The following PCDH11X variants were observed in gnomAD, a reference collection of about 807,000 sequenced individuals.
PCDH11X encodes the protein protocadherin 11 X-linked, also known as protocadherin-11 X-linked.
In PCDH11X, 18 loss-of-function variants were observed where a neutral mutation model predicts 53.3. The ratio of observed to expected loss-of-function variants is 0.34; its 90% confidence interval spans 0.23 to 0.50. PCDH11X has a LOEUF of 0.50. Ranked by LOEUF, PCDH11X falls within the 20% of genes least tolerant of loss-of-function variation. The pLI, the probability that PCDH11X is intolerant of heterozygous loss-of-function variation, is 0.98. For missense variants in PCDH11X, 570 were observed against 1,032.4 expected (o/e 0.55, Z 6.14); for synonymous variants, 279 against 393.3 (o/e 0.71, Z 3.44).
chrX:92,232,966 C>T (rs776603164), intron 7 of PCDH11X, among the ~76,000 whole-genome samples: 97 of 111,762 alleles, frequency 8.7e-4, no homozygotes, highest in African/African-American at 2.5e-3. Flanking sequence ...CCGCCCACCG[C>T]GGCCTCCCAA....
intron 10 of PCDH11X, among the ~76,000 whole-genome samples, chrX:92,516,786 G>A (rs1009374440): frequency 6.3e-5 from 7 of 111,950 alleles, no homozygotes; most frequent in African/African-American, 2.3e-4. Flanking sequence ...AATGTCAAAC[G>A]ACGACAACAA....
In PCDH11X at chrX:92,033,372, C is replaced by CTT. The variant is rs762430244; in HGVS notation, c.3033+154112_3033+154113dup. On this transcript the variant is annotated intron_variant, in intron 6 of 10. Coordinates refer to ENST00000682573, the MANE Select transcript of PCDH11X (RefSeq NM_032968.5). The stretch of plus-strand genomic sequence containing the variant: ...ACAGTGAAGCCATTGGGTCCCAGGC[C>CTT]TTTTTTTTTTTTTTCTAGAAACTTC... Among the ~76,000 whole-genome samples, 390 of 90,138 alleles carry CTT rather than the reference C, an allele frequency of 4.3e-3. 1 individual carries two copies. The highest frequency in any genetic ancestry group is 0.011 in the South Asian group (21 of 1,845). The allele number at this position is 90,138 out of a possible 115,157, so 78.3% of individuals were successfully genotyped here.
chrX:92,271,413 C>T (rs781096997), intron 8 of PCDH11X, among the ~76,000 whole-genome samples: 13 of 111,524 alleles, frequency 1.2e-4, no homozygotes, highest in South Asian at 3.8e-4. Flanking sequence ...AAGAAAGGGA[C>T]GAAGGGGTTT....
At chrX:92,568,371 G>A (rs1173700349) in intron 10 of PCDH11X, among the ~76,000 whole-genome samples, 2 of 108,630 alleles carry the variant, frequency 1.8e-5, no homozygotes, top group Admixed American at 9.8e-5. Flanking sequence ...GCAGTGAGCC[G>A]AGATGGCGCC....
chrX:92,553,491 AG>A (rs1283519727), intron 10 of PCDH11X, among the ~76,000 whole-genome samples: 3 of 109,721 alleles, frequency 2.7e-5, no homozygotes, highest in Admixed American at 2.0e-4. Context: ...TCTAGCTAAA[AG>A]TTTGTCAATT....
intron 10 of PCDH11X, among the ~76,000 whole-genome samples, chrX:92,560,405 C>T (rs2075115328): frequency 8.9e-6 from 1 of 112,399 alleles, no homozygotes; most frequent in South Asian, 3.7e-4. Context: ...AAAGACTCCA[C>T]CTGTTTGAGA....
At chrX:92,366,460 T>A (rs1259576463) in intron 8 of PCDH11X, among the ~76,000 whole-genome samples, 3 of 110,471 alleles carry the variant, frequency 2.7e-5, no homozygotes, top group Admixed American at 9.7e-5. Flanking sequence ...TTCACTGATT[T>A]TTTTGAAGGG....
intron 6 of PCDH11X, among the ~76,000 whole-genome samples, chrX:91,961,785 A>G (rs1405787805): frequency 9.4e-6 from 1 of 106,760 alleles, no homozygotes; most frequent in African/African-American, 3.4e-5. Flanking sequence ...GGTTTAATTG[A>G]CTCACAGTTC....
At chrX:92,371,996 T>G (rs1430157670) in intron 8 of PCDH11X, among the ~76,000 whole-genome samples, 6 of 111,468 alleles carry the variant, frequency 5.4e-5, no homozygotes, top group African/African-American at 2.0e-4. Flanking sequence ...TATATGTCTA[T>G]TTTATTTATT....
At chrX:92,490,817 AAAGCAAGC>A (rs201716487) in intron 10 of PCDH11X, among the ~76,000 whole-genome samples, 8 of 110,420 alleles carry the variant, frequency 7.2e-5, no homozygotes, top group African/African-American at 1.7e-4. Flanking sequence ...AGAGAGAGAG[AAAGCAAGC>A]AAGCAAGCAA....
intron 6 of PCDH11X, among the ~76,000 whole-genome samples, chrX:92,195,213 G>T (rs1461459679): frequency 9.0e-6 from 1 of 111,175 alleles, no homozygotes; most frequent in African/African-American, 3.3e-5. Flanking sequence ...TTAAAGCTCT[G>T]AGCTTTCTAA....
At chrX:92,233,688 G>A (rs2067122815) in intron 7 of PCDH11X, among the ~76,000 whole-genome samples, 1 of 111,869 alleles carries the variant, frequency 8.9e-6, no homozygotes, top group Non-Finnish European at 1.9e-5. Flanking sequence ...AGTGAAGAAT[G>A]TATGTTAATT....
At chrX:92,367,352 ATCT>A (rs1242809106) in intron 8 of PCDH11X, among the ~76,000 whole-genome samples, 4 of 110,849 alleles carry the variant, frequency 3.6e-5, no homozygotes, top group Admixed American at 9.6e-5. Flanking sequence ...TGCTTGGTAA[ATCT>A]TCTTCCATCT....
At chrX:92,605,541 C>A (rs1926696469) in intron 10 of PCDH11X, among the ~76,000 whole-genome samples, 1 of 111,635 alleles carries the variant, frequency 9.0e-6, no homozygotes, top group Admixed American at 9.5e-5. Flanking sequence ...GTAGAATTAT[C>A]TCTATTTGAA....
chrX:92,529,154 T>C (rs5984984), intron 10 of PCDH11X, among the ~76,000 whole-genome samples: 40,844 of 110,632 alleles, frequency 0.37, 5,550 homozygotes, highest in Middle Eastern at 0.42. Flanking sequence ...GTAGGATTGA[T>C]GTTTACCGAA....
At chrX:92,057,110 A>G (rs1326346441) in intron 6 of PCDH11X, among the ~76,000 whole-genome samples, 2 of 107,087 alleles carry the variant, frequency 1.9e-5, no homozygotes, top group South Asian at 8.4e-4. Flanking sequence ...GTAATAGCCT[A>G]TTATGCAAAA....
intron 5 of PCDH11X, among the ~76,000 whole-genome samples, chrX:91,851,891 A>G (rs1192713709): frequency 9.0e-6 from 1 of 111,544 alleles, no homozygotes; most frequent in East Asian, 2.8e-4. Flanking sequence ...CCTGGCATAC[A>G]AATAATCTAA....
intron 6 of PCDH11X, among the ~76,000 whole-genome samples, chrX:92,009,957 G>C (rs890532468): frequency 6.4e-5 from 7 of 110,053 alleles, no homozygotes; most frequent in Non-Finnish European, 1.3e-4. Context: ...TGCCTGCCTC[G>C]GCCTCCCAAA....
chrX:92,003,903 A>G (rs1476042681), intron 6 of PCDH11X, among the ~76,000 whole-genome samples: 2 of 110,217 alleles, frequency 1.8e-5, no homozygotes, highest in Non-Finnish European at 3.8e-5. Context: ...TCTGATATTT[A>G]TTATCTCTTT....
Sources: gnomAD v4.1 joint callset for allele counts (sites outside exome capture counted in the v4.1 genomes callset) on GRCh38, gnomAD v4.1.1 for gene constraint, MANE v1.5 for transcripts, NCBI Gene and HGNC (gene_info 2026-07-23, HGNC 2026-07-21) for gene names.